The following RASD2 variants were observed in gnomAD, a reference collection of about 807,000 sequenced individuals.
RASD2 encodes the protein RASD family member 2.
Under a neutral mutation model 15.8 loss-of-function variants are expected in RASD2, and 7 were observed. That is an observed-to-expected ratio of 0.44 (90% CI 0.25 to 0.83). The LOEUF (loss-of-function observed/expected upper bound fraction) is 0.83, where lower values mean the gene tolerates loss of function less well. RASD2 is among the 40% of genes least tolerant of loss of function. The pLI, the probability that RASD2 is intolerant of heterozygous loss-of-function variation, is 0.20. For synonymous variants in RASD2, 155 were observed against 153.6 expected (o/e 1.01, Z -0.07); for missense variants, 274 against 382.8 (o/e 0.72, Z 2.37).
chr22:35,533,731 TAGTG>T, the RASD2 span, among the ~76,000 whole-genome samples: 295 of 20,268 alleles, frequency 0.015, 5 homozygotes, highest in African/African-American at 0.034. Flanking sequence ...ATGATGATGA[TAGTG>T]ATGATGGGGA....
chr22:35,545,484 C>T (rs5755743), intron 1 of RASD2, among the ~76,000 whole-genome samples: 15 of 152,100 alleles, frequency 9.9e-5, no homozygotes, highest in Non-Finnish European at 1.8e-4. Flanking sequence ...GGGATGCAGC[C>T]CCCACTTGCC....
intron 1 of RASD2, among the ~76,000 whole-genome samples, chr22:35,545,597 G>A (rs1934479179): frequency 6.6e-6 from 1 of 152,198 alleles, no homozygotes; most frequent in Non-Finnish European, 1.5e-5. Flanking sequence ...CCCATTTGCA[G>A]TTCAGGGGCT....
chr22:35,534,588 G>A, the RASD2 span, among the ~76,000 whole-genome samples: 1 of 152,184 alleles, frequency 6.6e-6, no homozygotes, highest in Non-Finnish European at 1.5e-5. Flanking sequence ...TGCCCACTCA[G>A]CTTGGCCCAA....
chr22:35,535,230 C>A, the RASD2 span, among the ~76,000 whole-genome samples: 4 of 151,914 alleles, frequency 2.6e-5, no homozygotes, highest in African/African-American at 7.3e-5. Flanking sequence ...ATAGCAAGAC[C>A]CTGTCTCTAC....
intron 1 of RASD2, among the ~76,000 whole-genome samples, chr22:35,543,352 C>G (rs556895295): frequency 2.0e-4 from 30 of 152,346 alleles, no homozygotes; most frequent in Middle Eastern, 3.4e-3. Flanking sequence ...TGAGCCTCCT[C>G]TCTCTGATTC....
upstream of RASD2, among the ~76,000 whole-genome samples, chr22:35,537,300 C>A (rs1934258541): frequency 6.6e-6 from 1 of 152,150 alleles, no homozygotes; most frequent in Non-Finnish European, 1.5e-5. Flanking sequence ...TGGCTGAACA[C>A]AATTCAATAA....
intron 1 of RASD2, among the ~76,000 whole-genome samples, chr22:35,543,909 C>T (rs544001596): frequency 3.3e-4 from 49 of 150,640 alleles, no homozygotes; most frequent in African/African-American, 1.2e-3. Context: ...GTCTCACTGC[C>T]TCCTCTCTCT....
At chr22:35,536,293 A>T (rs865812673), upstream of RASD2, among the ~76,000 whole-genome samples, 10 of 150,706 alleles carry the variant, frequency 6.6e-5, no homozygotes, top group African/African-American at 2.2e-4. Context: ...TGTCATGAGC[A>T]TGTGTTGAAC....
At position 35,552,129 on chromosome 22, in the gene RASD2, C is replaced by G; in HGVS notation, c.*97C>G. 1 of 1,443,220 alleles carries G rather than the reference C, an allele frequency of 6.9e-7. No homozygotes were observed. The highest frequency in any genetic ancestry group is 9.3e-7 in the Non-Finnish European group (1 of 1,080,110). The allele number at this position is 1,443,220 out of a possible 1,614,324, so 89.4% of individuals were successfully genotyped here. On this transcript the variant is annotated 3_prime_UTR_variant, in exon 3 of 3. Coordinates refer to ENST00000216127, the MANE Select transcript of RASD2 (RefSeq NM_014310.4). ...TCCCCACCGAGGCCCCGGCAGCAGT[C>G]TTGTTCACAGACCTTAGGCACCAGA...
upstream of RASD2, among the ~76,000 whole-genome samples, chr22:35,539,748 A>C (rs1161186430): frequency 6.6e-6 from 1 of 152,240 alleles, no homozygotes; most frequent in Non-Finnish European, 1.5e-5. Context: ...TGATTCTCTA[A>C]AAAAACGTGT....
At chr22:35,548,729 G>T (rs906416667) in intron 2 of RASD2, among the ~76,000 whole-genome samples, 4 of 152,346 alleles carry the variant, frequency 2.6e-5, no homozygotes, top group Middle Eastern at 3.4e-3. Flanking sequence ...TGGAGAAGGG[G>T]CATGTAGATA....
At chr22:35,544,358 C>T (rs1403812010) in intron 1 of RASD2, among the ~76,000 whole-genome samples, 2 of 152,192 alleles carry the variant, frequency 1.3e-5, no homozygotes, top group Non-Finnish European at 2.9e-5. Context: ...GCCCCCTCTC[C>T]ACCCTCCTCT....
chr22:35,545,302 T>C (rs1308784988), intron 1 of RASD2, among the ~76,000 whole-genome samples: 1 of 152,168 alleles, frequency 6.6e-6, no homozygotes, highest in East Asian at 1.9e-4. Flanking sequence ...CAGGAAGCGA[T>C]GGTGTTGGAA....
rs116234704 is a variant in RASD2 at position 35,551,205 on chromosome 22, T to G, written c.272-298T>G. On this transcript the variant is annotated intron_variant, in intron 2 of 2. Coordinates refer to ENST00000216127, the MANE Select transcript of RASD2 (RefSeq NM_014310.4). This position sits in a 1 kb window ranked among gnomAD's most constrained non-coding sequence, Gnocchi z 4.9. ...CAAGTGACCTACCCCTCTCCAGCCC[T>G]GCAAAGAAATGTGAAGTGAGTTAAC... Among the ~76,000 whole-genome samples the G allele has an allele frequency of 3.1e-3, 465 of 152,254 alleles. 2 individuals carry two copies. The highest frequency in any genetic ancestry group is 0.011 in the African/African-American group (450 of 41,554).
the RASD2 span, among the ~76,000 whole-genome samples, chr22:35,534,082 A>G: frequency 6.6e-6 from 1 of 152,190 alleles, no homozygotes; most frequent in African/African-American, 2.4e-5. Context: ...AGGGCATCAT[A>G]AAAAAAGATC....
upstream of RASD2, among the ~76,000 whole-genome samples, chr22:35,536,267 C>T (rs928430005): frequency 2.0e-5 from 3 of 151,574 alleles, no homozygotes; most frequent in African/African-American, 7.3e-5. Context: ...GTGCATTCAG[C>T]AGGAAAGAAT....
At chr22:35,545,925 C>T (rs1388799196) in intron 1 of RASD2, among the ~76,000 whole-genome samples, 1 of 152,036 alleles carries the variant, frequency 6.6e-6, no homozygotes, top group Non-Finnish European at 1.5e-5. Flanking sequence ...AGCTTGGATC[C>T]ATGTCGGCCT....
At chr22:35,533,001 C>A in the RASD2 span, among the ~76,000 whole-genome samples, 1 of 152,172 alleles carries the variant, frequency 6.6e-6, no homozygotes, top group African/African-American at 2.4e-5. Flanking sequence ...ACTGACTTTG[C>A]CCAGTTACTT....
chr22:35,550,850 G>A (rs984392907), intron 2 of RASD2, among the ~76,000 whole-genome samples: 1 of 152,208 alleles, frequency 6.6e-6, no homozygotes, highest in African/African-American at 2.4e-5. Flanking sequence ...GAGGCATAGT[G>A]AGGAATCAAG....
Sources: gnomAD v4.1 joint callset for allele counts (sites outside exome capture counted in the v4.1 genomes callset) on GRCh38, gnomAD v4.1.1 for gene constraint, Gnocchi (gnomAD v3.1) non-coding constraint, MANE v1.5 for transcripts, NCBI Gene and HGNC (gene_info 2026-07-23, HGNC 2026-07-21) for gene names.